CPNE4: variants seen among roughly 807,000 people sequenced by gnomAD.
CPNE4 encodes the protein copine-4.
CPNE4 carries 25 observed loss-of-function variants against 67.9 expected under a neutral mutation model. That is an observed-to-expected ratio of 0.37 (90% CI 0.27 to 0.51). The LOEUF (loss-of-function observed/expected upper bound fraction) is 0.51. Ranked by LOEUF, CPNE4 falls within the 20% of genes least tolerant of loss-of-function variation. CPNE4 has a pLI of 0.93. For missense variants in CPNE4, 464 were observed against 690.8 expected, an observed-to-expected ratio of 0.67 and a Z score of 3.68; for synonymous variants, 242 against 244.9, an observed-to-expected ratio of 0.99 and a Z score of 0.11.
At position 131,723,658 on chromosome 3, in the gene CPNE4, A is replaced by G. The variant is rs770427336; in HGVS notation, c.181-33T>C. 1.9e-6 allele frequency: 3 copies of G among 1,575,974 alleles called. No individual in the cohort carries two copies. In the South Asian group the frequency reaches 3.4e-5, roughly 18 times the overall value. On this transcript the variant is annotated intron_variant, in intron 2 of 15. Coordinates refer to ENST00000429747, the MANE Select transcript of CPNE4 (RefSeq NM_130808.3). ...GAGAAAGAGAAAACCTATCAGAGAT[A>G]AGGATTATTTTTATTATTACCGTTC...
rs571736426 is a variant in CPNE4 at position 131,660,262 on chromosome 3, C to T, written c.681+9413G>A. 8.5e-5 allele frequency among the ~76,000 whole-genome samples: 13 copies of T among 152,260 alleles called. No homozygotes were observed. The South Asian group carries it at 2.7e-3, about 32-fold the overall frequency. On this transcript the variant is annotated intron_variant, in intron 7 of 15. Transcript: ENST00000429747. ...TTCACTAATGAAAAAGTTATTTTGACATTGAAGCACCTAGTGTTGACCCCA... is the reference window on the plus strand; with the variant it reads ...TTCACTAATGAAAAAGTTATTTTGATATTGAAGCACCTAGTGTTGACCCCA...
chr3:131,582,194 A>G (rs1205975036), intron 8 of CPNE4, among the ~76,000 whole-genome samples: 1 of 152,202 alleles, frequency 6.6e-6, no homozygotes, highest in African/African-American at 2.4e-5. Flanking sequence ...TACTAGGGAC[A>G]ATAATAAATT....
chr3:131,826,351 C>A (rs1473122609), intron 2 of CPNE4, among the ~76,000 whole-genome samples: 1 of 151,988 alleles, frequency 6.6e-6, no homozygotes, highest in Non-Finnish European at 1.5e-5. Context: ...GCCACCATGC[C>A]TGGTTAATTA....
chr3:131,629,573 T>C (rs2107775060), intron 7 of CPNE4, among the ~76,000 whole-genome samples: 1 of 152,226 alleles, frequency 6.6e-6, no homozygotes, highest in East Asian at 1.9e-4. Context: ...GTCTCTCAAG[T>C]AGCTGGGATT....
chr3:131,802,496 G>C (rs1203168958), intron 2 of CPNE4, among the ~76,000 whole-genome samples: 1 of 152,164 alleles, frequency 6.6e-6, no homozygotes, highest in Admixed American at 6.6e-5. Context: ...TGCATTTTCT[G>C]TGTTATAAAA....
chr3:131,857,963 G>C (rs948174447), intron 2 of CPNE4, among the ~76,000 whole-genome samples: 1 of 152,080 alleles, frequency 6.6e-6, no homozygotes, highest in Non-Finnish European at 1.5e-5. Context: ...GTGCTGGGAA[G>C]AGAATAAGTT....
At chr3:131,555,785 AT>A (rs1936429098) in intron 11 of CPNE4, among the ~76,000 whole-genome samples, 1 of 151,710 alleles carries the variant, frequency 6.6e-6, no homozygotes, top group Non-Finnish European at 1.5e-5. Context: ...TCCTCCCTTA[AT>A]TTTTTTGCTA....
At chr3:131,611,752 A>G (rs1386621759) in intron 7 of CPNE4, among the ~76,000 whole-genome samples, 1 of 151,966 alleles carries the variant, frequency 6.6e-6, no homozygotes, top group Non-Finnish European at 1.5e-5. Context: ...TTGTATTTAA[A>G]ACTAGCAATT....
intron 2 of CPNE4, among the ~76,000 whole-genome samples, chr3:131,848,696 G>A (rs997374472): frequency 6.7e-6 from 1 of 149,334 alleles, no homozygotes; most frequent in African/African-American, 2.5e-5. Flanking sequence ...GCAGATTTGC[G>A]CTCAACCCCA....
chr3:132,027,886 A>G (rs1281121460), intron 1 of CPNE4, among the ~76,000 whole-genome samples: 2 of 152,310 alleles, frequency 1.3e-5, no homozygotes, highest in African/African-American at 4.8e-5. Flanking sequence ...TTTCATTTTT[A>G]TGGATATTTG....
chr3:131,932,885 G>A (rs60153922), intron 1 of CPNE4, among the ~76,000 whole-genome samples: 2,134 of 152,256 alleles, frequency 0.014, 49 homozygotes, highest in African/African-American at 0.049. Context: ...GCCAGGTGTG[G>A]TGGTGGGTGC....
chr3:131,940,789 C>G (rs2107855869), intron 1 of CPNE4, among the ~76,000 whole-genome samples: 1 of 152,176 alleles, frequency 6.6e-6, no homozygotes, highest in Middle Eastern at 3.4e-3. Flanking sequence ...CAGGAACACA[C>G]AATTACAAGG....
chr3:131,797,291 T>C (rs1421984130), intron 2 of CPNE4, among the ~76,000 whole-genome samples: 2 of 152,150 alleles, frequency 1.3e-5, no homozygotes, highest in African/African-American at 4.8e-5. Flanking sequence ...TGGCAAGAGG[T>C]GGCTTCTGGG....
intron 7 of CPNE4, among the ~76,000 whole-genome samples, chr3:131,594,054 G>A (rs1190646779): frequency 1.3e-5 from 2 of 152,086 alleles, no homozygotes. Flanking sequence ...AATGATGAGA[G>A]TGGGCATACT....
chr3:131,914,538 T>C (rs537600347), intron 1 of CPNE4, among the ~76,000 whole-genome samples: 14 of 152,292 alleles, frequency 9.2e-5, no homozygotes, highest in Non-Finnish European at 1.0e-4. Context: ...ACTTTAATCA[T>C]TACACACCCT....
At chr3:131,671,459 A>ATGTG (rs58195413) in intron 6 of CPNE4, among the ~76,000 whole-genome samples, 200 of 131,360 alleles carry the variant, frequency 1.5e-3, no homozygotes, top group African/African-American at 4.7e-3. Context: ...GAGTGTACAC[A>ATGTG]TGTGTGTGTG....
chr3:131,620,853 C>A (rs1336078328), intron 7 of CPNE4, among the ~76,000 whole-genome samples: 1 of 152,188 alleles, frequency 6.6e-6, no homozygotes, highest in Non-Finnish European at 1.5e-5. Flanking sequence ...CTGCTGACAT[C>A]TGTTTTAGCC....
At chr3:131,788,327 C>T (rs73222306) in intron 2 of CPNE4, among the ~76,000 whole-genome samples, 8,793 of 151,580 alleles carry the variant, frequency 0.058, 292 homozygotes, top group African/African-American at 0.091. Flanking sequence ...TAAAAATACC[C>T]GAATGGAAAA....
chr3:131,896,433 AT>A (rs2088334720), intron 2 of CPNE4, among the ~76,000 whole-genome samples: 1 of 152,116 alleles, frequency 6.6e-6, no homozygotes, highest in South Asian at 2.1e-4. Flanking sequence ...AACCTGGGAG[AT>A]TTAAGTAACA....
Sources: allele counts gnomAD v4.1 joint callset (sites outside exome capture counted in the v4.1 genomes callset), GRCh38; gene constraint gnomAD v4.1.1; transcripts MANE v1.5; gene names NCBI Gene and HGNC (gene_info 2026-07-23, HGNC 2026-07-21).